The following RBPJ variants were observed in gnomAD, a reference collection of about 807,000 sequenced individuals.
The protein encoded by RBPJ is recombining binding protein suppressor of hairless.
Under a neutral mutation model 67.8 loss-of-function variants are expected in RBPJ, and 9 were observed. The ratio of observed to expected loss-of-function variants is 0.13; its 90% CI spans 0.08 to 0.23. The LOEUF is 0.23. RBPJ is among the 10% of genes least tolerant of loss of function. The pLI, the probability that RBPJ is intolerant of heterozygous loss-of-function variation, is 1.00. For synonymous variants in RBPJ, 198 were observed against 203.3 expected (o/e 0.97, Z 0.22); for missense variants, 305 against 595.6 (o/e 0.51, Z 5.08).
At chr4:26,346,702 GT>G (rs1553866867) in intron 1 of RBPJ, among the ~76,000 whole-genome samples, 2 of 152,116 alleles carry the variant, frequency 1.3e-5, no homozygotes, top group Non-Finnish European at 2.9e-5. Context: ...AAAACAGGCT[GT>G]ATTGGCCGGG....
At chr4:26,185,140 T>TAA (rs60842821) in intron 1 of RBPJ, among the ~76,000 whole-genome samples, 2 of 141,286 alleles carry the variant, frequency 1.4e-5, no homozygotes, top group Admixed American at 7.0e-5. Context: ...AGACTCTGTC[T>TAA]AAAAAAAAAA....
chr4:26,233,513 C>T (rs1332956263), intron 1 of RBPJ, among the ~76,000 whole-genome samples: 2 of 152,332 alleles, frequency 1.3e-5, no homozygotes, highest in East Asian at 1.9e-4. Context: ...ACTTCGTATG[C>T]GTCATGTTAG....
intron 7 of RBPJ, among the ~76,000 whole-genome samples, chr4:26,428,148 A>G (rs1428829215): frequency 6.6e-6 from 1 of 152,144 alleles, no homozygotes; most frequent in Non-Finnish European, 1.5e-5. Flanking sequence ...TGATTTTGTT[A>G]TGTTTTTAAA....
chr4:26,111,839 CCTCT>C, the RBPJ span: 1 of 171,702 alleles, frequency 5.8e-6, no homozygotes, highest in African/African-American at 2.4e-5. Flanking sequence ...CACATGGAGA[CCTCT>C]CTCTCCTCCA....
chr4:26,265,390 G>A (rs535833503), intron 1 of RBPJ, among the ~76,000 whole-genome samples: 6 of 151,990 alleles, frequency 3.9e-5, no homozygotes, highest in Admixed American at 6.5e-5. Context: ...TTAGCCAGGC[G>A]TGGTAGTGGG....
At chr4:26,205,973 G>C (rs893150883) in intron 1 of RBPJ, among the ~76,000 whole-genome samples, 3 of 140,834 alleles carry the variant, frequency 2.1e-5, no homozygotes, top group African/African-American at 5.5e-5. Flanking sequence ...AGTCTGTTGA[G>C]TTGAGTAAAT....
chr4:26,414,920 C>T (rs1053147525), intron 3 of RBPJ, among the ~76,000 whole-genome samples: 4 of 152,184 alleles, frequency 2.6e-5, no homozygotes, highest in African/African-American at 9.7e-5. Context: ...CAGCACTGCT[C>T]ATAATCAGGA....
intron 1 of RBPJ, among the ~76,000 whole-genome samples, chr4:26,229,994 G>A (rs1000391440): frequency 2.0e-5 from 3 of 152,112 alleles, no homozygotes; most frequent in African/African-American, 7.2e-5. Flanking sequence ...TTGGAGACCA[G>A]CCTGGGCAAC....
chr4:26,356,170 A>G (rs1727352198), intron 1 of RBPJ, among the ~76,000 whole-genome samples: 1 of 152,206 alleles, frequency 6.6e-6, no homozygotes, highest in South Asian at 2.1e-4. Flanking sequence ...AGTCCCAGTA[A>G]GAATGTGGCT....
the RBPJ span, among the ~76,000 whole-genome samples, chr4:26,141,470 C>T: frequency 6.6e-6 from 1 of 152,272 alleles, no homozygotes; most frequent in African/African-American, 2.4e-5. Flanking sequence ...CGCCCAGGAA[C>T]ACTTCCTACC....
chr4:26,320,248 C>G (rs943451232), upstream of RBPJ, among the ~76,000 whole-genome samples: 5 of 152,234 alleles, frequency 3.3e-5, no homozygotes, highest in Non-Finnish European at 7.3e-5. Context: ...TGGCGTGTGT[C>G]TGCGAGGTGG....
At chr4:26,161,432 G>A (rs1716075826), upstream of RBPJ, among the ~76,000 whole-genome samples, 1 of 152,192 alleles carries the variant, frequency 6.6e-6, no homozygotes, top group Non-Finnish European at 1.5e-5. Context: ...AAAGGTTGCA[G>A]CCCCTGAAAG....
chr4:26,121,026 GA>G, the RBPJ span, among the ~76,000 whole-genome samples: 1 of 151,680 alleles, frequency 6.6e-6, no homozygotes, highest in Admixed American at 6.6e-5. Flanking sequence ...GGGGTAGGGG[GA>G]GAAGCAGAGG....
chr4:26,328,085 T>C (rs1723834381), intron 1 of RBPJ, among the ~76,000 whole-genome samples: 1 of 152,030 alleles, frequency 6.6e-6, no homozygotes, highest in Non-Finnish European at 1.5e-5. Context: ...AGATTGTGCC[T>C]GATTTTGCCA....
chr4:26,228,244 C>A (rs1309488339), intron 1 of RBPJ, among the ~76,000 whole-genome samples: 2 of 152,220 alleles, frequency 1.3e-5, no homozygotes, highest in Non-Finnish European at 2.9e-5. Flanking sequence ...GGTTTGGCTA[C>A]TTTATCCATT....
intron 1 of RBPJ, among the ~76,000 whole-genome samples, chr4:26,381,247 T>C (rs1403062261): frequency 6.6e-6 from 1 of 152,048 alleles, no homozygotes; most frequent in African/African-American, 2.4e-5. Context: ...TAAGGAAGTA[T>C]ATAGAAGCAA....
intron 1 of RBPJ, among the ~76,000 whole-genome samples, chr4:26,286,994 C>T (rs1054703091): frequency 6.6e-6 from 1 of 152,028 alleles, no homozygotes; most frequent in Non-Finnish European, 1.5e-5. Flanking sequence ...TCCATGTTGT[C>T]CAGGCTGGTC....
intron 1 of RBPJ, among the ~76,000 whole-genome samples, chr4:26,263,863 C>G (rs1011311289): frequency 6.7e-6 from 1 of 149,662 alleles, no homozygotes; most frequent in Non-Finnish European, 1.5e-5. Context: ...AGCCACAGCA[C>G]CCAGTCTTTT....
upstream of RBPJ, among the ~76,000 whole-genome samples, chr4:26,159,240 T>C (rs886113602): frequency 2.0e-5 from 3 of 152,170 alleles, no homozygotes; most frequent in Admixed American, 2.0e-4. Context: ...TGTTCTCATT[T>C]TACATCTGAG....
Sources: gnomAD v4.1 joint callset for allele counts (sites outside exome capture counted in the v4.1 genomes callset) on GRCh38, gnomAD v4.1.1 for gene constraint, MANE v1.5 for transcripts, NCBI Gene and HGNC (gene_info 2026-07-23, HGNC 2026-07-21) for gene names.